ROBO2: variants seen among roughly 807,000 people sequenced by gnomAD.
ROBO2 encodes the protein roundabout homolog 2.
Under a neutral mutation model 160.8 loss-of-function variants are expected in ROBO2, and 53 were observed. That is an observed-to-expected ratio of 0.33 (90% CI 0.26 to 0.41). The LOEUF (loss-of-function observed/expected upper bound fraction) is 0.41. ROBO2 is among the 10% of genes least tolerant of loss of function. ROBO2 has a pLI of 1.00. For missense variants in ROBO2, 1,577 were observed against 1,722.4 expected (o/e 0.92, Z 1.49); for synonymous variants, 664 against 611.7 (o/e 1.09, Z -1.26).
chr3:76,894,281 T>C (rs573218999), intron 2 of ROBO2, among the ~76,000 whole-genome samples: 2 of 152,122 alleles, frequency 1.3e-5, no homozygotes, highest in African/African-American at 4.8e-5. Context: ...TCCCTGTGGA[T>C]CAAAATATGA....
At chr3:76,877,872 A>T (rs2072922972) in intron 2 of ROBO2, among the ~76,000 whole-genome samples, 1 of 152,156 alleles carries the variant, frequency 6.6e-6, no homozygotes, top group Non-Finnish European at 1.5e-5. Flanking sequence ...AGAGAGAGGA[A>T]GAAGTAAAAG....
At chr3:77,455,483 AT>A (rs2081534933) in intron 2 of ROBO2, among the ~76,000 whole-genome samples, 1 of 152,120 alleles carries the variant, frequency 6.6e-6, no homozygotes, top group Non-Finnish European at 1.5e-5. Context: ...CTAGGCTGGA[AT>A]GCAGTGGCAC....
In ROBO2 at chr3:76,905,295, T is replaced by C. The variant is rs114790743; in HGVS notation, c.110-192719T>C. On this transcript the variant is annotated intron_variant, in intron 2 of 26. Transcript: ENST00000487694. ...GGGAGGCGTTATAATCGGGATGAAA[T>C]TAAGGTGAAGAGAAACAAAAGGACA... Among the ~76,000 whole-genome samples the C allele has an allele frequency of 2.6e-3, 397 of 151,926 alleles. 1 individual carries two copies. The highest frequency in any genetic ancestry group is 9.0e-3 in the African/African-American group (374 of 41,440).
chr3:76,411,760 T>C (rs549607670), intron 2 of ROBO2, among the ~76,000 whole-genome samples: 4 of 152,278 alleles, frequency 2.6e-5, no homozygotes, highest in Non-Finnish European at 4.4e-5. Context: ...CCTAAAGTGT[T>C]TAACTCTTAT....
chr3:76,098,117 T>C (rs2069529981), intron 2 of ROBO2, among the ~76,000 whole-genome samples: 1 of 152,174 alleles, frequency 6.6e-6, no homozygotes, highest in Admixed American at 6.6e-5. Flanking sequence ...ATCATGTAGG[T>C]GTACGTGTTA....
intron 2 of ROBO2, among the ~76,000 whole-genome samples, chr3:77,456,106 T>C (rs1335407325): frequency 1.3e-5 from 2 of 152,210 alleles, no homozygotes; most frequent in Non-Finnish European, 2.9e-5. Context: ...TACTGTAGTA[T>C]GAAAATATGC....
At chr3:77,103,478 C>T (rs907590618) in intron 2 of ROBO2, among the ~76,000 whole-genome samples, 2 of 151,058 alleles carry the variant, frequency 1.3e-5, no homozygotes, top group Admixed American at 6.6e-5. Flanking sequence ...CTGTGATTTA[C>T]CTTTGCTTTG....
intron 2 of ROBO2, among the ~76,000 whole-genome samples, chr3:77,346,503 C>G (rs2067658292): frequency 6.6e-6 from 1 of 152,132 alleles, no homozygotes; most frequent in Non-Finnish European, 1.5e-5. Context: ...CTGTCACAAA[C>G]TTAGTGGCTT....
At chr3:76,203,205 G>T (rs947953625) in intron 2 of ROBO2, among the ~76,000 whole-genome samples, 1 of 152,128 alleles carries the variant, frequency 6.6e-6, no homozygotes, top group Non-Finnish European at 1.5e-5. Flanking sequence ...TACTCAGAAA[G>T]GTTGACTGAT....
At chr3:76,408,137 C>G (rs915098520) in intron 2 of ROBO2, among the ~76,000 whole-genome samples, 1 of 151,972 alleles carries the variant, frequency 6.6e-6, no homozygotes, top group African/African-American at 2.4e-5. Flanking sequence ...TATAATATGC[C>G]TACCATCAAA....
chr3:77,265,216 G>A (rs2059047428), intron 2 of ROBO2, among the ~76,000 whole-genome samples: 2 of 152,092 alleles, frequency 1.3e-5, no homozygotes, highest in Admixed American at 6.6e-5. Context: ...AGGCATCTGC[G>A]ACCAGAAAAT....
At chr3:76,792,926 A>C (rs1211170749) in intron 2 of ROBO2, among the ~76,000 whole-genome samples, 2 of 151,856 alleles carry the variant, frequency 1.3e-5, no homozygotes, top group African/African-American at 2.4e-5. Context: ...TATATATTTG[A>C]GAATGTATAC....
At chr3:76,209,805 C>T (rs557849738) in intron 2 of ROBO2, among the ~76,000 whole-genome samples, 3 of 152,124 alleles carry the variant, frequency 2.0e-5, no homozygotes, top group Admixed American at 6.6e-5. Context: ...TCAACAATGA[C>T]CCTGGAAATG....
At chr3:76,121,751 G>A (rs970634451) in intron 2 of ROBO2, among the ~76,000 whole-genome samples, 8 of 152,000 alleles carry the variant, frequency 5.3e-5, no homozygotes, top group African/African-American at 9.7e-5. Context: ...GCCATACTTC[G>A]CTCTGTGATG....
chr3:75,972,043 T>G (rs1158201042), intron 2 of ROBO2, among the ~76,000 whole-genome samples: 1 of 151,714 alleles, frequency 6.6e-6, no homozygotes, highest in Non-Finnish European at 1.5e-5. Context: ...GACCCAATTT[T>G]AGATAATTCA....
intron 21 of ROBO2, among the ~76,000 whole-genome samples, chr3:77,608,195 T>C (rs2094562649): frequency 6.6e-6 from 1 of 152,212 alleles, no homozygotes; most frequent in Non-Finnish European, 1.5e-5. Flanking sequence ...TCTGCAATCA[T>C]GATAATGCAG....
At position 77,399,239 on chromosome 3, in the gene ROBO2, A is replaced by G. The variant is rs114831797; in HGVS notation, c.389-78175A>G. Among the ~76,000 whole-genome samples, 413 of 152,330 alleles carry G rather than the reference A, an allele frequency of 2.7e-3. 3 individuals carry two copies. Among genetic ancestry groups the G allele is most frequent in the African/African-American group, 9.5e-3 (394 of 41,580 alleles). On this transcript the variant is annotated intron_variant, in intron 2 of 25. Transcript: ENST00000461745. ...ATTTACATGCTTTGAGTGAATGATA[A>G]AGAGAATTAAGTTTATTTTTGTCAC... is the stretch of plus-strand genomic sequence containing the variant.
chr3:76,209,617 G>T (rs1461452764), intron 2 of ROBO2, among the ~76,000 whole-genome samples: 1 of 152,034 alleles, frequency 6.6e-6, no homozygotes, highest in African/African-American at 2.4e-5. Flanking sequence ...TTCATAGGAA[G>T]GTAAGATTGG....
chr3:77,032,430 G>T (rs1375271105), intron 2 of ROBO2, among the ~76,000 whole-genome samples: 1 of 152,064 alleles, frequency 6.6e-6, no homozygotes, highest in Non-Finnish European at 1.5e-5. Context: ...AAGGTATATT[G>T]CAGTGCTTGT....
Sources: allele counts gnomAD v4.1 joint callset (sites outside exome capture counted in the v4.1 genomes callset), GRCh38; gene constraint gnomAD v4.1.1; transcripts MANE v1.5; gene names NCBI Gene and HGNC (gene_info 2026-07-23, HGNC 2026-07-21).